PPARGC1A: variants seen among roughly 807,000 people sequenced by gnomAD.
PPARGC1A encodes the protein peroxisome proliferator-activated receptor gamma coactivator 1-alpha.
In PPARGC1A, 25 loss-of-function variants were observed where a neutral mutation model predicts 88.7. The ratio of observed to expected loss-of-function variants is 0.28; its 90% confidence interval spans 0.21 to 0.39. The LOEUF (loss-of-function observed/expected upper bound fraction) is 0.39, where lower values mean the gene tolerates loss of function less well. Among genes scored for constraint, PPARGC1A ranks in the 10% least tolerant of loss-of-function variants. The probability of loss-of-function intolerance (pLI) is 1.00; values close to 1 mark genes in which losing one functional copy is unlikely to be tolerated. For missense variants in PPARGC1A, 880 were observed against 968.7 expected (o/e 0.91, Z 1.22); for synonymous variants, 363 against 355.6 (o/e 1.02, Z -0.24).
the PPARGC1A span, among the ~76,000 whole-genome samples, chr4:24,022,172 A>G: frequency 1.3e-5 from 2 of 152,136 alleles, no homozygotes; most frequent in African/African-American, 4.8e-5. Flanking sequence ...TGGCACAGCA[A>G]GCTCTCTTTT....
the PPARGC1A span, among the ~76,000 whole-genome samples, chr4:24,013,517 A>G: frequency 1.3e-5 from 2 of 152,056 alleles, no homozygotes; most frequent in Non-Finnish European, 2.9e-5. Context: ...CTTTCCTAAT[A>G]GACTGTAACC....
the PPARGC1A span, among the ~76,000 whole-genome samples, chr4:24,051,302 C>A: frequency 6.6e-6 from 1 of 151,768 alleles, no homozygotes; most frequent in East Asian, 1.9e-4. Context: ...GCTCTTGCCC[C>A]CTGGAAAAAG....
At chr4:23,975,428 T>A in the PPARGC1A span, among the ~76,000 whole-genome samples, 1 of 152,088 alleles carries the variant, frequency 6.6e-6, no homozygotes, top group Non-Finnish European at 1.5e-5. Context: ...TTCTTTTTTT[T>A]TTTTCCTGAG....
the PPARGC1A span, among the ~76,000 whole-genome samples, chr4:24,388,413 G>A: frequency 2.0e-5 from 3 of 152,148 alleles, no homozygotes; most frequent in East Asian, 1.9e-4. Flanking sequence ...ACAATGTGGC[G>A]GTTCCTCAAG....
At chr4:24,387,766 G>GAGAGAGAAAGAA in the PPARGC1A span, among the ~76,000 whole-genome samples, 15 of 52,064 alleles carry the variant, frequency 2.9e-4, no homozygotes, top group East Asian at 5.1e-4. Flanking sequence ...GAGAGAGAGA[G>GAGAGAGAAAGAA]AGAAAGAAAG....
chr4:24,254,484 G>A, the PPARGC1A span, among the ~76,000 whole-genome samples: 1 of 152,164 alleles, frequency 6.6e-6, no homozygotes, highest in African/African-American at 2.4e-5. Context: ...GAAAGATCTA[G>A]ATAGCACCAG....
At chr4:24,128,443 C>T in the PPARGC1A span, among the ~76,000 whole-genome samples, 1 of 151,732 alleles carries the variant, frequency 6.6e-6, no homozygotes, top group Admixed American at 6.6e-5. Flanking sequence ...ACTCATGCTT[C>T]CAATCCTGAG....
the PPARGC1A span, among the ~76,000 whole-genome samples, chr4:24,168,182 C>T: frequency 4.6e-5 from 7 of 152,124 alleles, no homozygotes; most frequent in African/African-American, 1.7e-4. Flanking sequence ...AGTTAATGTG[C>T]TTTATCGCCA....
At chr4:23,844,090 C>A (rs1173020279) in intron 2 of PPARGC1A, among the ~76,000 whole-genome samples, 5 of 150,620 alleles carry the variant, frequency 3.3e-5, no homozygotes, top group Admixed American at 2.7e-4. Flanking sequence ...TAGGAACTTG[C>A]ATTTTAGTTT....
chr4:24,429,651 ATT>A, the PPARGC1A span, among the ~76,000 whole-genome samples: 21 of 132,208 alleles, frequency 1.6e-4, no homozygotes, highest in East Asian at 8.7e-4. Flanking sequence ...GACAGTGAGA[ATT>A]TTTTTTTTTT....
At chr4:23,908,135 C>T (rs934280894), upstream of PPARGC1A, among the ~76,000 whole-genome samples, 10 of 152,330 alleles carry the variant, frequency 6.6e-5, no homozygotes, top group South Asian at 1.2e-3. Context: ...GTACAGTGCA[C>T]ATTGCCACCA....
the PPARGC1A span, chr4:24,258,258 C>T: frequency 2.0e-5 from 19 of 968,088 alleles, 1 homozygote; most frequent in African/African-American, 1.1e-4. Context: ...CACTGATTTT[C>T]GCAAAAAACC....
At chr4:24,194,669 C>CACACACACACACACACA in the PPARGC1A span, among the ~76,000 whole-genome samples, 70 of 40,238 alleles carry the variant, frequency 1.7e-3, no homozygotes, top group African/African-American at 2.7e-3. Context: ...CACACACACA[C>CACACACACACACACACA]CCCCATCAAG....
the PPARGC1A span, among the ~76,000 whole-genome samples, chr4:23,922,763 C>T: frequency 3.9e-5 from 6 of 152,232 alleles, no homozygotes; most frequent in East Asian, 1.9e-4. Context: ...ATAAATATTC[C>T]GCGCCACTGG....
At chr4:24,184,448 T>G in the PPARGC1A span, among the ~76,000 whole-genome samples, 7 of 152,204 alleles carry the variant, frequency 4.6e-5, no homozygotes, top group Non-Finnish European at 7.3e-5. Flanking sequence ...TACCAGGTGC[T>G]TAATCCATAC....
chr4:24,387,229 A>G, the PPARGC1A span, among the ~76,000 whole-genome samples: 2 of 152,228 alleles, frequency 1.3e-5, no homozygotes, highest in African/African-American at 4.8e-5. Flanking sequence ...ATACCTTTAT[A>G]CAAAAATTAA....
the PPARGC1A span, among the ~76,000 whole-genome samples, chr4:23,945,227 C>G: frequency 1.5e-4 from 23 of 152,110 alleles, no homozygotes; most frequent in East Asian, 4.1e-3. Context: ...TAAGATTTAT[C>G]TTTTCAATTA....
At chr4:24,102,556 C>T in the PPARGC1A span, among the ~76,000 whole-genome samples, 6,273 of 152,266 alleles carry the variant, frequency 0.041, 198 homozygotes, top group East Asian at 0.17. Flanking sequence ...TAAGTCTTTC[C>T]GAATTGCATT....
chr4:24,308,356 A>G, the PPARGC1A span, among the ~76,000 whole-genome samples: 2 of 151,856 alleles, frequency 1.3e-5, no homozygotes, highest in African/African-American at 4.8e-5. Flanking sequence ...TTTGGAAAGC[A>G]TGTCTTCTTA....
Sources: allele counts gnomAD v4.1 joint callset (sites outside exome capture counted in the v4.1 genomes callset), GRCh38; gene constraint gnomAD v4.1.1; transcripts MANE v1.5; gene names NCBI Gene and HGNC (gene_info 2026-07-23, HGNC 2026-07-21).